The following PAX3 variants were observed in gnomAD, a reference collection of about 807,000 sequenced individuals.
PAX3 encodes paired box 3.
In PAX3, 14 loss-of-function variants were observed where a neutral mutation model predicts 51.6. The observed-to-expected ratio is 0.27, with a 90% CI of 0.18 to 0.42. The LOEUF (loss-of-function observed/expected upper bound fraction) is 0.42, where lower values mean the gene tolerates loss of function less well. Among genes scored for constraint, PAX3 ranks in the 10% least tolerant of loss-of-function variants. The pLI is 1.00. For synonymous variants in PAX3, 280 were observed against 253.4 expected, an observed-to-expected ratio of 1.11 and a Z score of -1.00; for missense variants, 540 against 642.8, an observed-to-expected ratio of 0.84 and a Z score of 1.73.
At chr2:222,213,442 G>A (rs1428119020) in intron 7 of PAX3, among the ~76,000 whole-genome samples, 1 of 152,134 alleles carries the variant, frequency 6.6e-6, no homozygotes. Flanking sequence ...ATGGCCAGTG[G>A]TTATTCTGGT....
intron 8 of PAX3, 89 bp from the exon 9 acceptor site, chr2:222,201,531 T>G (rs1691293835): frequency 6.6e-7 from 1 of 1,523,086 alleles, no homozygotes; most frequent in East Asian, 2.3e-5. Flanking sequence ...AATGTCATAT[T>G]TAATACCGTG....
chr2:222,279,596 G>A (rs1326655295), intron 4 of PAX3, among the ~76,000 whole-genome samples: 2 of 152,156 alleles, frequency 1.3e-5, no homozygotes, highest in African/African-American at 2.4e-5. Context: ...TAGTCTGAGT[G>A]ACAGTTCTTT....
chr2:222,279,304 C>CATGT (rs139532428), intron 4 of PAX3, among the ~76,000 whole-genome samples: 56 of 148,136 alleles, frequency 3.8e-4, no homozygotes, highest in African/African-American at 1.3e-3. Context: ...CAAGCCTGTG[C>CATGT]GTGTGTGTGT....
chr2:222,210,322 A>G (rs991064189), intron 7 of PAX3, among the ~76,000 whole-genome samples: 1 of 152,212 alleles, frequency 6.6e-6, no homozygotes, highest in Non-Finnish European at 1.5e-5. Flanking sequence ...TTTTGATGGT[A>G]CATGATGTTT....
intron 7 of PAX3, among the ~76,000 whole-genome samples, chr2:222,212,622 A>AACACACACAC (rs57019405): frequency 3.4e-5 from 5 of 148,036 alleles, no homozygotes; most frequent in African/African-American, 7.4e-5. Flanking sequence ...TGGAAAAACA[A>AACACACACAC]ACACACACAC....
intron 7 of PAX3, among the ~76,000 whole-genome samples, chr2:222,210,091 A>T (rs1217050036): frequency 1.3e-5 from 2 of 152,082 alleles, no homozygotes; most frequent in East Asian, 3.8e-4. Flanking sequence ...CCACCTGATG[A>T]CTTGTGCTTA....
chr2:222,200,799 T>C lies in PAX3; in HGVS notation c.*609A>G. 1 of 324,260 alleles carries C rather than the reference T, an allele frequency of 3.1e-6. No individual in the cohort carries two copies. Among genetic ancestry groups the C allele is most frequent in the Non-Finnish European group, 5.7e-6 (1 of 174,360 alleles). The allele number at this position is 324,260 out of a possible 1,614,324, so 20.1% of individuals were successfully genotyped here. On this transcript the variant is annotated 3_prime_UTR_variant, in exon 9 of 9. Transcript: ENST00000392070. Reference sequence around the variant, plus strand: ...TTACAAATGAGGATACAGTAACAAATAATTTATTTAGGAGGTCCTTTACAG... The same window carrying C: ...TTACAAATGAGGATACAGTAACAAACAATTTATTTAGGAGGTCCTTTACAG...
intron 4 of PAX3, among the ~76,000 whole-genome samples, chr2:222,267,730 C>T (rs1467319361): frequency 6.6e-6 from 1 of 152,156 alleles, no homozygotes; most frequent in Non-Finnish European, 1.5e-5. Context: ...GATAGTGACA[C>T]CCCCTAACCA....
intron 4 of PAX3, among the ~76,000 whole-genome samples, chr2:222,255,412 C>T (rs1312906745): frequency 6.6e-6 from 1 of 152,190 alleles, no homozygotes; most frequent in Non-Finnish European, 1.5e-5. Context: ...ATCAGAATCA[C>T]CTGAGCTCTT....
Position 222,295,538 on chromosome 2 carries a change from G to C in PAX3, c.441C>G (p.Thr147=). The C allele has an allele frequency of 1.2e-6, 2 of 1,614,216 alleles. No individual in the cohort carries two copies. The highest frequency in any genetic ancestry group is 4.5e-5 in the East Asian group (2 of 44,884). ...TAATGGGCCTAGTACCTGACGGCAC[G>C]GTGTTTCGATCACAGACCGCGTCCT... is the stretch of plus-strand genomic sequence containing the variant. The part of the protein sequence containing the change: ...LLKDAVCDRN[T]VPSVSSISRI... Residue 147 remains threonine (T), a synonymous_variant, in exon 3 of 9, where the codon ACC becomes ACG. Coordinates refer to ENST00000392070, the MANE Select transcript of PAX3 (RefSeq NM_181458.4).
intron 4 of PAX3, chr2:222,293,739 C>G: frequency 6.2e-7 from 1 of 1,614,140 alleles, no homozygotes. Context: ...CGAGGAAACT[C>G]CGGAGACCAG....
chr2:222,261,078 T>A (rs1288559777), intron 4 of PAX3, among the ~76,000 whole-genome samples: 1 of 152,228 alleles, frequency 6.6e-6, no homozygotes, highest in African/African-American at 2.4e-5. Flanking sequence ...AACTTTATCC[T>A]TAGCTATTCA....
In PAX3 at chr2:222,201,216, C is replaced by T. The variant is rs764232120; in HGVS notation, c.*192G>A. 14 of 1,613,902 alleles carry T rather than the reference C, an allele frequency of 8.7e-6. No individual in the cohort carries two copies. The highest frequency in any genetic ancestry group is 2.2e-5 in the East Asian group (1 of 44,866). On this transcript the variant is annotated 3_prime_UTR_variant, in exon 9 of 9. Transcript: ENST00000392070. ...CCTCTTCTCCACTGCTTTTGTCGAA[C>T]GTGTTCAAAAGGATTTGAAACCAAC...
Position 222,220,300 on chromosome 2 carries a change from G to A in PAX3, c.1013C>T (p.Thr338Ile), listed in dbSNP as rs2106072261. The change falls in exon 7 of 9, where the codon ACT (threonine) becomes ATT (isoleucine). Residue 338 changes from threonine to isoleucine, a missense_variant. Transcript: ENST00000392070. Reference protein sequence around the residue: ...VHRPQPLPPSTVHQSTIPSNP... With the variant: ...VHRPQPLPPSIVHQSTIPSNP... ...GGAAGGAATCGTGCTTTGGTGTACA[G>A]TGCTTGGAGGAAGCGGTTGAGGTCT... is the stretch of plus-strand genomic sequence containing the variant. 6.2e-7 allele frequency: 1 copy of A among 1,614,116 alleles called. No individual in the cohort carries two copies. The highest frequency in any genetic ancestry group is 1.3e-5 in the African/African-American group (1 of 75,048).
intron 4 of PAX3, among the ~76,000 whole-genome samples, chr2:222,267,723 A>G (rs1383723627): frequency 6.6e-6 from 1 of 152,216 alleles, no homozygotes. Context: ...TCTCTGAGAT[A>G]GTGACACCCC....
At chr2:222,261,247 A>G (rs1693851234) in intron 4 of PAX3, among the ~76,000 whole-genome samples, 1 of 152,188 alleles carries the variant, frequency 6.6e-6, no homozygotes. Context: ...GCCTCCCTCA[A>G]AAAGCCAAGG....
chr2:222,261,256 G>A (rs1253265503), intron 4 of PAX3, among the ~76,000 whole-genome samples: 2 of 152,148 alleles, frequency 1.3e-5, no homozygotes, highest in Non-Finnish European at 2.9e-5. Context: ...AAAAAGCCAA[G>A]GGTTTCACAG....
At chr2:222,243,070 A>C (rs925372457) in intron 4 of PAX3, among the ~76,000 whole-genome samples, 1 of 152,228 alleles carries the variant, frequency 6.6e-6, no homozygotes, top group Admixed American at 6.5e-5. Flanking sequence ...ACTAGGACAA[A>C]ACTACCGAAA....
intron 7 of PAX3, among the ~76,000 whole-genome samples, chr2:222,203,912 C>T (rs1364885592): frequency 6.6e-6 from 1 of 152,114 alleles, no homozygotes; most frequent in African/African-American, 2.4e-5. Flanking sequence ...CCCAGAAATC[C>T]TGTTTTTCAT....
Sources: allele counts gnomAD v4.1 joint callset (sites outside exome capture counted in the v4.1 genomes callset), GRCh38; gene constraint gnomAD v4.1.1; transcripts MANE v1.5; gene names NCBI Gene and HGNC (gene_info 2026-07-23, HGNC 2026-07-21).